The following CACNA1A variants were observed in gnomAD, a reference collection of about 807,000 sequenced individuals.
CACNA1A encodes calcium voltage-gated channel subunit alpha1 A.
CACNA1A carries 57 observed loss-of-function variants against 262.4 expected under a neutral mutation model. The observed-to-expected ratio is 0.22, with a 90% CI of 0.18 to 0.27. The LOEUF is 0.27. Ranked by LOEUF, CACNA1A falls within the 10% of genes least tolerant of loss-of-function variation. CACNA1A has a pLI of 1.00. For synonymous variants in CACNA1A, 1,431 were observed against 1,419.3 expected (o/e 1.01, Z -0.18); for missense variants, 2,526 against 3,562.8 (o/e 0.71, Z 7.41).
chr19:13,392,609 T>TACCTG (rs1226535803), intron 3 of CACNA1A, among the ~76,000 whole-genome samples: 1 of 152,134 alleles, frequency 6.6e-6, no homozygotes, highest in East Asian at 1.9e-4. Context: ...CATTCACAGG[T>TACCTG]GGTGGGAGTT....
intron 6 of CACNA1A, among the ~76,000 whole-genome samples, chr19:13,342,769 T>G (rs1006714092): frequency 2.6e-5 from 4 of 152,192 alleles, no homozygotes; most frequent in Non-Finnish European, 5.9e-5. Flanking sequence ...CTCAAGTGAC[T>G]GCACTGAACA....
At chr19:13,283,500 C>G (rs968021971) in intron 21 of CACNA1A, 104 bp from the exon 22 acceptor site, 1 of 1,433,194 alleles carries the variant, frequency 7.0e-7, no homozygotes, top group Non-Finnish European at 9.6e-7. Flanking sequence ...GATCTCCAAC[C>G]CCCAAGGCCT....
At position 13,214,572 on chromosome 19, in the gene CACNA1A, C is replaced by T. The variant is rs771636070; in HGVS notation, c.5768G>A (p.Arg1923Gln). Residue 1923 changes from arginine (R) to glutamine (Q), a missense_variant, in exon 39 of 47, where the codon CGG becomes CAG. Transcript: ENST00000360228. The surrounding 1 kb of genome is among the most constrained non-coding windows in gnomAD (Gnocchi z 4.1). ...GGGCCAAATCGCCATCATCTCCTTC[C>T]GCAGCTCAGCGTCCATCTGCTGTTT... ...ADKQQMDAEL[R>Q]KEMMAIWPNL... is the part of the protein sequence containing the mutation. The T allele has an allele frequency of 3.7e-6, 6 of 1,613,826 alleles. No individual in the cohort carries two copies. Among genetic ancestry groups the T allele is most frequent in the Admixed American group, 1.7e-5 (1 of 59,984 alleles).
rs1568419970 is a variant in CACNA1A at position 13,209,369 on chromosome 19, CGCGGCGCCGCTG to C, written c.6457_6468del (p.Gln2153_Arg2156del). 1 of 1,385,286 alleles carries C rather than the reference CGCGGCGCCGCTG, an allele frequency of 7.2e-7. No homozygotes were observed. The allele number at this position is 1,385,286 out of a possible 1,614,324, so 85.8% of individuals were successfully genotyped here. A position where few individuals can be genotyped will look rare whatever the true frequency, so the allele number is the denominator to read the frequency against. On this transcript the variant is annotated inframe_deletion, in exon 45 of 47. Transcript: ENST00000360228. ...CGCTCAGAGGCGCGGTGGCTGCGGT[CGCGGCGCCGCTG>C]GTGGTGCCGCTGGTTCTCCTCGGGC...
chr19:13,226,961 G>A (rs1449979767), intron 37 of CACNA1A: 2 of 152,718 alleles, frequency 1.3e-5, no homozygotes, highest in Admixed American at 6.5e-5. Context: ...GGTGTGCGTG[G>A]CAGGGGCGGG....
At chr19:13,230,303 C>G (rs1200655264) in intron 35 of CACNA1A, 94 bp from the exon 36 acceptor site, 2 of 1,410,742 alleles carry the variant, frequency 1.4e-6, no homozygotes, top group Non-Finnish European at 2.0e-6. Flanking sequence ...GACGGACAGA[C>G]AGACCCAAAG....
At chr19:13,368,963 G>A (rs900499747) in intron 4 of CACNA1A, among the ~76,000 whole-genome samples, 5 of 142,778 alleles carry the variant, frequency 3.5e-5, no homozygotes, top group South Asian at 2.2e-4. Context: ...GCGTGAACCC[G>A]GGAGGCGGAG....
chr19:13,258,679 A>G (rs929564730), intron 27 of CACNA1A: 2 of 152,098 alleles, frequency 1.3e-5, no homozygotes, highest in African/African-American at 2.4e-5. Context: ...TCAGGTTGGC[A>G]TATTTGCTGA....
intron 1 of CACNA1A, among the ~76,000 whole-genome samples, chr19:13,482,842 C>G (rs1422623024): frequency 6.9e-6 from 1 of 144,184 alleles, no homozygotes; most frequent in Non-Finnish European, 1.5e-5. Flanking sequence ...CCTTCTTTCT[C>G]TCAACTTGTG....
intron 1 of CACNA1A, among the ~76,000 whole-genome samples, chr19:13,493,874 C>T (rs575086153): frequency 1.3e-5 from 2 of 152,326 alleles, no homozygotes; most frequent in East Asian, 1.9e-4. Context: ...TTGCCACCAA[C>T]CCATACAGCA....
intron 1 of CACNA1A, among the ~76,000 whole-genome samples, chr19:13,484,486 C>T (rs998712030): frequency 2.6e-5 from 4 of 152,138 alleles, no homozygotes; most frequent in African/African-American, 9.7e-5. Flanking sequence ...GGGGAAAAAT[C>T]ATGCCAGCTC....
rs1174407891 is a variant in CACNA1A at position 13,207,259 on chromosome 19, G to A, written c.*54C>T. 2 of 1,477,284 alleles carry A rather than the reference G, an allele frequency of 1.4e-6. No individual in the cohort carries two copies. Among genetic ancestry groups the A allele is most frequent in the African/African-American group, 1.5e-5 (1 of 67,864 alleles). The allele number at this position is 1,477,284 out of a possible 1,614,324, so 91.5% of individuals were successfully genotyped here. On this transcript the variant is annotated 3_prime_UTR_variant, in exon 47 of 47. Transcript: ENST00000360228. This position sits in a 1 kb window ranked among gnomAD's most constrained non-coding sequence, Gnocchi z 5.7. Reference sequence around the variant, plus strand: ...GCGGCCTCTGCGCGGCTCCTCGGGTGGGGTGTGTGCGTGGGGTGCGTGGGG... The same window carrying A: ...GCGGCCTCTGCGCGGCTCCTCGGGTAGGGTGTGTGCGTGGGGTGCGTGGGG...
At chr19:13,417,980 G>T (rs532354775) in intron 3 of CACNA1A, among the ~76,000 whole-genome samples, 1 of 150,326 alleles carries the variant, frequency 6.7e-6, no homozygotes, top group African/African-American at 2.5e-5. Flanking sequence ...GAGCTCTCCC[G>T]GCCCCATGTT....
intron 38 of CACNA1A, among the ~76,000 whole-genome samples, chr19:13,223,788 G>A (rs2055329673): frequency 6.6e-6 from 1 of 152,146 alleles, no homozygotes; most frequent in Admixed American, 6.6e-5. Context: ...CTCAGTGGCG[G>A]CCTCCCCATC....
At chr19:13,211,070 C>T (rs956006332) in intron 43 of CACNA1A, 1 of 219,258 alleles carries the variant, frequency 4.6e-6, no homozygotes, top group African/African-American at 2.3e-5. Context: ...TCCCAACCCT[C>T]TCCTGGGGCC....
At chr19:13,421,788 G>A (rs2060320536) in intron 3 of CACNA1A, among the ~76,000 whole-genome samples, 1 of 152,130 alleles carries the variant, frequency 6.6e-6, no homozygotes, top group Non-Finnish European at 1.5e-5. Flanking sequence ...AGGTGTATAA[G>A]CCACCCAGTT....
intron 38 of CACNA1A, among the ~76,000 whole-genome samples, chr19:13,216,407 G>A (rs2055012197): frequency 6.8e-6 from 1 of 146,668 alleles, no homozygotes; most frequent in Non-Finnish European, 1.5e-5. Context: ...GCATGATCTC[G>A]GCTCACTGCA....
At chr19:13,225,044 C>T in intron 37 of CACNA1A, 1 of 390,294 alleles carries the variant, frequency 2.6e-6, no homozygotes, top group East Asian at 4.7e-5. Context: ...CCAGGGTTTG[C>T]CTCAACCCTT....
intron 3 of CACNA1A, among the ~76,000 whole-genome samples, chr19:13,399,224 G>A (rs2059858439): frequency 2.0e-5 from 3 of 152,088 alleles, no homozygotes; most frequent in African/African-American, 7.2e-5. Context: ...CCAGCCTGGA[G>A]TTATGCGTGA....
Sources: allele counts gnomAD v4.1 joint callset (sites outside exome capture counted in the v4.1 genomes callset), GRCh38; gene constraint gnomAD v4.1.1; non-coding constraint Gnocchi (gnomAD v3.1); transcripts MANE v1.5; gene names NCBI Gene and HGNC (gene_info 2026-07-23, HGNC 2026-07-21).